Variants in CKLF observed in about 807,000 individuals in gnomAD.
The protein encoded by CKLF is chemokine like factor, also known as chemokine-like factor.
In CKLF, 16 loss-of-function variants were observed where a neutral mutation model predicts 12.9. That is an observed-to-expected ratio of 1.24 (90% CI 0.84 to 1.88). The LOEUF (loss-of-function observed/expected upper bound fraction) is 1.88. Among genes scored for constraint, CKLF ranks in the 40% most tolerant of loss-of-function variants. The probability of loss-of-function intolerance (pLI) is 0.00; values close to 1 mark genes in which losing one functional copy is unlikely to be tolerated. For missense variants in CKLF, 172 were observed against 188.5 expected (o/e 0.91, Z 0.51); for synonymous variants, 61 against 69.0 (o/e 0.88, Z 0.57).
intron 1 of CKLF, among the ~76,000 whole-genome samples, chr16:66,557,840 A>G (rs903305188): frequency 6.6e-6 from 1 of 152,230 alleles, no homozygotes. Flanking sequence ...TCAGAAGCAC[A>G]AGAGGAATAA....
chr16:66,554,404 C>G (rs1459923759), intron 1 of CKLF, among the ~76,000 whole-genome samples: 1 of 152,172 alleles, frequency 6.6e-6, no homozygotes, highest in Non-Finnish European at 1.5e-5. Flanking sequence ...AAAAATAGCA[C>G]AATTGATGCA....
intron 2 of CKLF, among the ~76,000 whole-genome samples, chr16:66,561,715 C>G (rs1022050865): frequency 6.6e-6 from 1 of 152,186 alleles, no homozygotes; most frequent in Non-Finnish European, 1.5e-5. Flanking sequence ...TATATCTGAT[C>G]TTGCCCTACC....
At chr16:66,555,253 A>G (rs545020183) in intron 1 of CKLF, among the ~76,000 whole-genome samples, 1 of 152,306 alleles carries the variant, frequency 6.6e-6, no homozygotes, top group East Asian at 1.9e-4. Flanking sequence ...AAACAAAAAT[A>G]TACTAGCTGC....
chr16:66,558,175 G>GT lies in CKLF; in HGVS notation c.79-8dup. On this transcript the variant is annotated splice_polypyrimidine_tract_variant and intron_variant, in intron 1 of 3. Coordinates refer to ENST00000264001, the MANE Select transcript of CKLF (RefSeq NM_016951.4). ...TCAGTTGTCACTGAATAAATCGTGG[G>GT]TTTTTTTCTTCTAGGCACTAACTGT... is the stretch of plus-strand genomic sequence containing the variant. 1.9e-6 allele frequency: 3 copies of GT among 1,603,196 alleles called. No individual in the cohort carries two copies. The highest frequency in any genetic ancestry group is 2.2e-5 in the East Asian group (1 of 44,772).
chr16:66,566,207 C>T, downstream of CKLF: 1 of 1,509,034 alleles, frequency 6.6e-7, no homozygotes, highest in Non-Finnish European at 8.8e-7. The surrounding 1 kb of genome is among the most constrained non-coding windows in gnomAD (Gnocchi z 4.9). Flanking sequence ...GCACCCGGGC[C>T]TGGGTGGCAG....
chr16:66,560,034 C>T (rs541648602), intron 2 of CKLF, among the ~76,000 whole-genome samples: 3 of 152,126 alleles, frequency 2.0e-5, no homozygotes, highest in African/African-American at 4.8e-5. Context: ...CCTAGGATGG[C>T]GTGGATGCAA....
intron 1 of CKLF, among the ~76,000 whole-genome samples, chr16:66,556,538 G>C (rs2011459077): frequency 6.6e-6 from 1 of 152,180 alleles, no homozygotes; most frequent in South Asian, 2.1e-4. Context: ...TAAGGAAATG[G>C]AGTAATCACC....
At chr16:66,553,492 T>C (rs2011280038) in intron 1 of CKLF, 3 of 152,276 alleles carry the variant, frequency 2.0e-5, no homozygotes, top group Non-Finnish European at 1.5e-5. Flanking sequence ...TTGGAGGAAG[T>C]TGATCATTTG....
At chr16:66,558,735 C>A (rs1258316414) in intron 2 of CKLF, among the ~76,000 whole-genome samples, 1 of 152,162 alleles carries the variant, frequency 6.6e-6, no homozygotes, top group Non-Finnish European at 1.5e-5. Context: ...GACAGATACA[C>A]AAGTATCTAT....
chr16:66,558,122 T>C, intron 1 of CKLF, 68 bp from the exon 2 acceptor site: 2 of 1,582,178 alleles, frequency 1.3e-6, no homozygotes, highest in African/African-American at 1.4e-5. Flanking sequence ...ATTTTAGAAA[T>C]TGTCATTTTT....
intron 1 of CKLF, among the ~76,000 whole-genome samples, chr16:66,556,055 G>A (rs1422666322): frequency 6.6e-6 from 1 of 152,198 alleles, no homozygotes; most frequent in South Asian, 2.1e-4. Flanking sequence ...GCTACTTGGT[G>A]TGAAATGTGG....
chr16:66,553,022 C>T (rs1597121293), intron 1 of CKLF, among the ~76,000 whole-genome samples: 1 of 152,100 alleles, frequency 6.6e-6, no homozygotes, highest in Admixed American at 6.5e-5. Context: ...GGGCGGGGCG[C>T]CGTGGCGCAC....
intron 1 of CKLF, among the ~76,000 whole-genome samples, chr16:66,557,381 T>A (rs2011489828): frequency 6.6e-6 from 1 of 152,234 alleles, no homozygotes; most frequent in Non-Finnish European, 1.5e-5. Context: ...TTGGCCAGGC[T>A]GGTCTCAAAC....
At chr16:66,555,363 A>ATGATGGTGGC (rs1313603390) in intron 1 of CKLF, among the ~76,000 whole-genome samples, 2 of 152,356 alleles carry the variant, frequency 1.3e-5, no homozygotes, top group Admixed American at 1.3e-4. Flanking sequence ...GCAAGAAATG[A>ATGATGGTGGC]TGATGGTGGC....
intron 1 of CKLF, among the ~76,000 whole-genome samples, chr16:66,557,457 C>T (rs1421200360): frequency 6.6e-6 from 1 of 152,072 alleles, no homozygotes; most frequent in African/African-American, 2.4e-5. Flanking sequence ...CATGAGCCAC[C>T]GCGCCCACCC....
chr16:66,559,235 T>C (rs974688956), intron 2 of CKLF, among the ~76,000 whole-genome samples: 1 of 152,250 alleles, frequency 6.6e-6, no homozygotes, highest in African/African-American at 2.4e-5. Flanking sequence ...GAAAAGACTT[T>C]AGAGCTATTC....
intron 3 of CKLF, among the ~76,000 whole-genome samples, chr16:66,564,415 T>G (rs1315254901): frequency 1.3e-5 from 2 of 152,166 alleles, no homozygotes; most frequent in East Asian, 3.8e-4. Context: ...TGTTAAATGA[T>G]AATATTTTAG....
At chr16:66,552,887 T>C in intron 1 of CKLF, 94 bp downstream of exon 1, 3 of 1,575,580 alleles carry the variant, frequency 1.9e-6, no homozygotes, top group Non-Finnish European at 2.6e-6. Context: ...CTGTTTGCTT[T>C]TCAACCTCGC....
At position 66,552,660 on chromosome 16, in the gene CKLF, A is replaced by G; in HGVS notation, c.-56A>G. 2.5e-6 allele frequency: 4 copies of G among 1,613,024 alleles called. No individual in the cohort carries two copies. The highest frequency in any genetic ancestry group is 1.1e-5 in the South Asian group (1 of 91,072). ...TGCTATCGCTTCGCAGAACCTACTC[A>G]GGCAGCCAGCTGAGAAGAGTTGAGG... On this transcript the variant is annotated 5_prime_UTR_variant, in exon 1 of 4. Coordinates refer to ENST00000264001, the MANE Select transcript of CKLF (RefSeq NM_016951.4).
Sources: allele counts gnomAD v4.1 joint callset (sites outside exome capture counted in the v4.1 genomes callset), GRCh38; gene constraint gnomAD v4.1.1; non-coding constraint Gnocchi (gnomAD v3.1); transcripts MANE v1.5; gene names NCBI Gene and HGNC (gene_info 2026-07-23, HGNC 2026-07-21).